NAV1: variants seen among roughly 807,000 people sequenced by gnomAD.
NAV1 encodes pore membrane and/or filament interacting like protein 3.
NAV1 carries 18 observed loss-of-function variants against 175.2 expected under a neutral mutation model. The ratio of observed to expected loss-of-function variants is 0.10; its 90% CI spans 0.07 to 0.15. The LOEUF is 0.15. Among genes scored for constraint, NAV1 ranks in the 10% least tolerant of loss-of-function variants. NAV1 has a pLI of 1.00. For missense variants in NAV1, 1,731 were observed against 2,436.6 expected (o/e 0.71, Z 6.10); for synonymous variants, 897 against 978.7 (o/e 0.92, Z 1.56).
In NAV1 at chr1:201,740,273, C is replaced by T. The variant is rs972130585; in HGVS notation, c.1226+21518C>T. ...GAGAGGAGTGCCTGCGCCGCCGGAG[C>T]CTCCGAGCTCCTGGACGTTTGGCTT... On this transcript the variant is annotated intron_variant, in intron 3 of 29. Coordinates refer to ENST00000367296, the Ensembl canonical transcript of NAV1. The surrounding 1 kb of genome is among the most constrained non-coding windows in gnomAD (Gnocchi z 4.7). Among the ~76,000 whole-genome samples, 1 of 152,236 alleles carries T rather than the reference C, an allele frequency of 6.6e-6. No individual in the cohort carries two copies. Among genetic ancestry groups the T allele is most frequent in the South Asian group, 2.1e-4 (1 of 4,834 alleles).
At chr1:201,683,425 G>C (rs965873483) in intron 1 of NAV1, among the ~76,000 whole-genome samples, 6 of 152,110 alleles carry the variant, frequency 3.9e-5, no homozygotes, top group African/African-American at 1.4e-4. Context: ...AGATGAAACT[G>C]CTCCACTTCA....
intron 3 of NAV1, among the ~76,000 whole-genome samples, chr1:201,773,583 G>A (rs1421366882): frequency 6.6e-6 from 1 of 152,142 alleles, no homozygotes; most frequent in East Asian, 1.9e-4. Flanking sequence ...AAAGGAAAGT[G>A]GTAATACAAT....
chr1:201,699,850 C>T (rs997140329), intron 1 of NAV1, among the ~76,000 whole-genome samples: 6 of 152,318 alleles, frequency 3.9e-5, no homozygotes, highest in Admixed American at 3.9e-4. Flanking sequence ...AAAGGATTCC[C>T]TGTGTAATAA....
chr1:201,658,783 A>G (rs1469702454), intron 1 of NAV1, among the ~76,000 whole-genome samples: 1 of 152,156 alleles, frequency 6.6e-6, no homozygotes, highest in Non-Finnish European at 1.5e-5. Context: ...CAAGTTTCAC[A>G]TCTGTCTGCT....
At chr1:201,741,175 G>A (rs1254617988) in intron 3 of NAV1, among the ~76,000 whole-genome samples, 1 of 152,178 alleles carries the variant, frequency 6.6e-6, no homozygotes, top group Admixed American at 6.5e-5. Context: ...TAGGGTAAAA[G>A]CAAAGAATTG....
chr1:201,608,833 G>A (rs923292154), intron 2 of NAV1, among the ~76,000 whole-genome samples: 6 of 152,206 alleles, frequency 3.9e-5, no homozygotes, highest in South Asian at 2.1e-4. Context: ...TGCTGCTGCC[G>A]AGATCAGGGA....
At chr1:201,713,717 T>C (rs560071898) in intron 2 of NAV1, among the ~76,000 whole-genome samples, 2 of 151,014 alleles carry the variant, frequency 1.3e-5, no homozygotes, top group South Asian at 4.2e-4. Flanking sequence ...TCATGGGGGG[T>C]GTGGGGCAGG....
chr1:201,572,954 C>T (rs1429853299), intron 1 of NAV1, among the ~76,000 whole-genome samples: 1 of 151,818 alleles, frequency 6.6e-6, no homozygotes, highest in African/African-American at 2.4e-5. Flanking sequence ...CTCCATCTTG[C>T]CCCTGCCCAT....
intron 2 of NAV1, among the ~76,000 whole-genome samples, chr1:201,613,015 A>G (rs1481707122): frequency 1.3e-5 from 2 of 152,128 alleles, no homozygotes; most frequent in South Asian, 2.1e-4. Flanking sequence ...TCCAGGGCGG[A>G]GGGAGGGTAC....
At chr1:201,721,928 C>G (rs1355728483) in intron 3 of NAV1, among the ~76,000 whole-genome samples, 1 of 152,216 alleles carries the variant, frequency 6.6e-6, no homozygotes, top group Admixed American at 6.5e-5. Context: ...TCTCCCTACT[C>G]CCTCCAGTGA....
chr1:201,643,305 CTT>C (rs1420705188), upstream of NAV1, among the ~76,000 whole-genome samples: 1 of 143,106 alleles, frequency 7.0e-6, no homozygotes, highest in African/African-American at 2.7e-5. Context: ...CCTTCTCTTT[CTT>C]TTTCTTTCTT....
chr1:201,797,861 T>C (rs1677561124), intron 15 of NAV1: 2 of 152,358 alleles, frequency 1.3e-5, no homozygotes, highest in African/African-American at 2.4e-5. Context: ...GGCTCACTTA[T>C]CAGCTCAATT....
intron 1 of NAV1, among the ~76,000 whole-genome samples, chr1:201,558,237 C>T (rs1394880317): frequency 6.6e-6 from 1 of 152,116 alleles, no homozygotes; most frequent in Non-Finnish European, 1.5e-5. Flanking sequence ...ACTCCATAAC[C>T]CAGTGAGGTC....
chr1:201,705,863 TC>T (rs1336288580), intron 1 of NAV1, among the ~76,000 whole-genome samples: 1 of 99,364 alleles, frequency 1.0e-5, no homozygotes, highest in Admixed American at 1.4e-4. Context: ...CTGTCAGTTT[TC>T]CATACCTGCC....
rs150468189 is a variant in NAV1 at position 201,712,472 on chromosome 1, C to A, written c.758-345C>A. 2.3e-3 allele frequency among the ~76,000 whole-genome samples: 343 copies of A among 152,324 alleles called. 4 individuals carry two copies. The East Asian group carries it at 0.04, about 18-fold the overall frequency. ...CAGATGTTCCAGCTCATCTCAACCA[C>A]GAGAAATCTTGCCCAGGACCTCTGC... On this transcript the variant is annotated intron_variant, in intron 1 of 29. Transcript: ENST00000367296.
chr1:201,675,953 G>A (rs1670233404), intron 1 of NAV1, among the ~76,000 whole-genome samples: 1 of 152,138 alleles, frequency 6.6e-6, no homozygotes. Context: ...ACCATCCCAA[G>A]CCCCAGTTTC....
upstream of NAV1, among the ~76,000 whole-genome samples, chr1:201,643,341 T>TTTCTTTCTTCCCTCTC (rs1668870481): frequency 2.4e-5 from 2 of 82,322 alleles, no homozygotes; most frequent in Non-Finnish European, 5.5e-5. Context: ...CCCTCTCTTC[T>TTTCTTTCTTCCCTCTC]TTCTTTCTTT....
rs138602672 is a variant in NAV1 at position 201,718,375 on chromosome 1, C to T, written c.861-15C>T. On this transcript the variant is annotated splice_polypyrimidine_tract_variant and intron_variant, in intron 2 of 29. Coordinates refer to ENST00000367296, the Ensembl canonical transcript of NAV1. This position sits in a 1 kb window ranked among gnomAD's most constrained non-coding sequence, Gnocchi z 4.8. Reference sequence around the variant, plus strand: ...TGTGCCAAGGACTAAGTAGTGCCTTCTGCTCTCCACCCAGCTCCCTGGAGA... The same window carrying T: ...TGTGCCAAGGACTAAGTAGTGCCTTTTGCTCTCCACCCAGCTCCCTGGAGA... 9.5e-4 allele frequency: 1,442 copies of T among 1,523,622 alleles called. 7 individuals carry two copies. In the African/African-American group the frequency reaches 0.017, roughly 18 times the overall value. The allele number at this position is 1,523,622 out of a possible 1,614,324, so 94.4% of individuals were successfully genotyped here.
chr1:201,671,911 G>A (rs1670058088), intron 1 of NAV1, among the ~76,000 whole-genome samples: 1 of 152,216 alleles, frequency 6.6e-6, no homozygotes, highest in South Asian at 2.1e-4. Flanking sequence ...AGCAGGCCCA[G>A]CTTAGGGTAA....
Sources: gnomAD v4.1 joint callset for allele counts (sites outside exome capture counted in the v4.1 genomes callset) on GRCh38, gnomAD v4.1.1 for gene constraint, Gnocchi (gnomAD v3.1) non-coding constraint, MANE v1.5 for transcripts, NCBI Gene and HGNC (gene_info 2026-07-23, HGNC 2026-07-21) for gene names.